The following RASAL3 variants were observed in gnomAD, a reference collection of about 807,000 sequenced individuals.
RASAL3 encodes the protein RAS protein activator like 3, also known as RAS protein activator like-3.
Under a neutral mutation model 105.5 loss-of-function variants are expected in RASAL3, and 74 were observed. The ratio of observed to expected loss-of-function variants is 0.70; its 90% CI spans 0.58 to 0.85. The LOEUF (loss-of-function observed/expected upper bound fraction) is 0.85, where lower values mean the gene tolerates loss of function less well. RASAL3 is among the 40% of genes least tolerant of loss of function. The pLI, the probability that RASAL3 is intolerant of heterozygous loss-of-function variation, is 0.00. For missense variants in RASAL3, 1,352 were observed against 1,392.0 expected, an observed-to-expected ratio of 0.97 and a Z score of 0.46; for synonymous variants, 579 against 591.6, an observed-to-expected ratio of 0.98 and a Z score of 0.31.
In RASAL3 at chr19:15,452,037, A is replaced by T. The variant is rs765433230; in HGVS notation, c.2892+8T>A. 6 of 1,613,958 alleles carry T rather than the reference A, an allele frequency of 3.7e-6. No individual in the cohort carries two copies. Among genetic ancestry groups the T allele is most frequent in the Non-Finnish European group, 4.2e-6 (5 of 1,179,876 alleles). ...AGACCTGCCCCAGGGCTCAGATGGC[A>T]ATCTCACCAGGTTTTTCAGACTGTG... On this transcript the variant is annotated splice_region_variant and intron_variant, in intron 17 of 17. Coordinates refer to ENST00000343625, the MANE Select transcript of RASAL3 (RefSeq NM_022904.3).
At chr19:15,460,957 C>G in intron 5 of RASAL3, 103 bp downstream of exon 5, 1 of 1,066,588 alleles carries the variant, frequency 9.4e-7, no homozygotes, top group South Asian at 1.3e-5. Context: ...CAAAGAGGGT[C>G]AGCAACCTGC....
chr19:15,457,175 C>T lies in RASAL3; in HGVS notation c.1431+117G>A. 1 of 923,536 alleles carries T rather than the reference C, an allele frequency of 1.1e-6. No homozygotes were observed. The highest frequency in any genetic ancestry group is 1.4e-6 in the Non-Finnish European group (1 of 702,910). 57.2% of individuals were successfully genotyped at this position (923,536 alleles called of 1,614,324 possible). ...CACTTGGACCACGCCCCTCACACCC[C>T]TTCAAGGTGTCTCCCCCATTACAGG... is the stretch of plus-strand genomic sequence containing the variant. On this transcript the variant is annotated intron_variant, in intron 9 of 17. Transcript: ENST00000343625. This position sits in a 1 kb window ranked among gnomAD's most constrained non-coding sequence, Gnocchi z 8.6.
In RASAL3 at chr19:15,453,095, G is replaced by A. The variant is rs1399611032; in HGVS notation, c.2670+12C>T. The A allele has an allele frequency of 3.1e-6, 5 of 1,613,050 alleles. No individual in the cohort carries two copies. In the African/African-American group the frequency reaches 5.3e-5, roughly 17 times the overall value. ...TCCCACTCCCCAGGCGCGGACCTGG[G>A]CCTGACCTTACCTTGTTCACAGGTC... On this transcript the variant is annotated intron_variant, in intron 15 of 17. Coordinates refer to ENST00000343625, the MANE Select transcript of RASAL3 (RefSeq NM_022904.3). This position sits in a 1 kb window ranked among gnomAD's most constrained non-coding sequence, Gnocchi z 4.2.
At chr19:15,458,785 A>ACC (rs531818545) in intron 6 of RASAL3, 130 bp from the exon 7 acceptor site, 188 of 1,093,872 alleles carry the variant, frequency 1.7e-4, no homozygotes, top group South Asian at 3.1e-4. Flanking sequence ...TGCCCCCCCC[A>ACC]CCCCCCGCCA....
rs1375949683 is a variant in RASAL3, at chr19:15,464,489, C to T, written c.-20+16G>A. The T allele has an allele frequency of 6.9e-6, 6 of 875,812 alleles. No homozygotes were observed. Among genetic ancestry groups the T allele is most frequent in the Non-Finnish European group, 1.0e-5 (6 of 576,920 alleles). The allele number at this position is 875,812 out of a possible 1,614,324, so 54.3% of individuals were successfully genotyped here. Reference sequence around the variant, plus strand: ...TCCAGGAATCCCCCTGCCCCCACCTCCACTCCCTCCCTTACCTTGGTTTCC... The same window carrying T: ...TCCAGGAATCCCCCTGCCCCCACCTTCACTCCCTCCCTTACCTTGGTTTCC... On this transcript the variant is annotated intron_variant, in intron 1 of 17. Coordinates refer to ENST00000343625, the MANE Select transcript of RASAL3 (RefSeq NM_022904.3).
chr19:15,460,508 T>C (rs1970475031), intron 5 of RASAL3, among the ~76,000 whole-genome samples: 1 of 152,130 alleles, frequency 6.6e-6, no homozygotes, highest in Non-Finnish European at 1.5e-5. Flanking sequence ...GCCTCAAATT[T>C]CTGGGCTCAA....
At chr19:15,458,480 G>C in intron 7 of RASAL3, 49 bp downstream of exon 7, 2 of 1,613,618 alleles carry the variant, frequency 1.2e-6, no homozygotes, top group South Asian at 2.2e-5. Flanking sequence ...GAAGCCAAAG[G>C]GTGGGAGGTG....
At position 15,457,056 on chromosome 19, in the gene RASAL3, C is replaced by A. The variant is rs1243681248; in HGVS notation, c.1431+236G>T. ...CCCCTCACAGCTGACGCTCAGGTCC[C>A]GCCCTTCAAGGTGCCCCGCCCCTTA... On this transcript the variant is annotated intron_variant, in intron 9 of 17. Transcript: ENST00000343625. This position sits in a 1 kb window ranked among gnomAD's most constrained non-coding sequence, Gnocchi z 8.6. Among the ~76,000 whole-genome samples the A allele has an allele frequency of 6.6e-6, 1 of 150,646 alleles. No homozygotes were observed. The highest frequency in any genetic ancestry group is 2.4e-5 in the African/African-American group (1 of 40,916).
In RASAL3 at chr19:15,454,280, G is replaced by A. The variant is rs530548475; in HGVS notation, c.2161-13C>T. The A allele has an allele frequency of 1.3e-6, 2 of 1,564,210 alleles. No homozygotes were observed. Among genetic ancestry groups the A allele is most frequent in the South Asian group, 2.3e-5 (2 of 85,410 alleles). On this transcript the variant is annotated splice_polypyrimidine_tract_variant and intron_variant, in intron 13 of 17. Transcript: ENST00000343625. Reference sequence around the variant, plus strand: ...TGTCTCGGGTTGTCTGGTGAGGCATGCAGGACAGAGACTGAGCAAAGTCTC... The same window carrying A: ...TGTCTCGGGTTGTCTGGTGAGGCATACAGGACAGAGACTGAGCAAAGTCTC...
intron 6 of RASAL3, 92 bp from the exon 7 acceptor site, chr19:15,458,747 A>G: frequency 6.8e-7 from 1 of 1,480,264 alleles, no homozygotes; most frequent in Non-Finnish European, 9.0e-7. Context: ...AAGGACTTCA[A>G]CCCAATTCGG....
Position 15,458,193 on chromosome 19 carries a change from C to A in RASAL3, c.888+135G>T. The A allele has an allele frequency of 5.2e-6, 4 of 771,770 alleles. No individual in the cohort carries two copies. The South Asian group carries it at 6.7e-5, about 13-fold the overall frequency. The allele number at this position is 771,770 out of a possible 1,614,324, so 47.8% of individuals were successfully genotyped here. The stretch of plus-strand genomic sequence containing the variant: ...AATAGATGGAAGGGGAGTCTTGGAG[C>A]CGTTGCAACGATGCAGGCGGGGCAG... On this transcript the variant is annotated intron_variant, in intron 8 of 17. Transcript: ENST00000343625.
chr19:15,452,550 G>A, intron 16 of RASAL3, 108 bp downstream of exon 16: 4 of 1,005,828 alleles, frequency 4.0e-6, no homozygotes, highest in Non-Finnish European at 4.2e-6. Flanking sequence ...GGCCAGGGTG[G>A]GGCTTGGCCG....
At position 15,457,501 on chromosome 19, in the gene RASAL3, C is replaced by A. The variant is rs999556364; in HGVS notation, c.1222G>T (p.Gly408Trp). 2.5e-6 allele frequency: 3 copies of A among 1,183,474 alleles called. No individual in the cohort carries two copies. The highest frequency in any genetic ancestry group is 4.9e-5 in the Admixed American group (1 of 20,228). The allele number at this position is 1,183,474 out of a possible 1,614,324, so 73.3% of individuals were successfully genotyped here. Residue 408 changes from glycine (G) to tryptophan (W), a missense_variant, in exon 9 of 18, where the codon GGG becomes TGG. Physicochemically the swap from Gly to Trp is radical, Grantham distance 184. Coordinates refer to ENST00000343625, the MANE Select transcript of RASAL3 (RefSeq NM_022904.3). The surrounding 1 kb of genome is among the most constrained non-coding windows in gnomAD (Gnocchi z 8.6). ...CGCAGCGCTGCGCCCGCCGGCGCCC[C>A]GAGCAGCGGGAACCAGCGCTCCAGA... ...AGLERWFPLL[G>W]APAGAALRAR...
Position 15,457,635 on chromosome 19 carries a change from G to C in RASAL3, c.1088C>G (p.Ala363Gly). The change falls in exon 9 of 18, where the codon GCA becomes GGA. Residue 363 changes from alanine (A) to glycine (G), a missense_variant. Coordinates refer to ENST00000343625, the MANE Select transcript of RASAL3 (RefSeq NM_022904.3). This position sits in a 1 kb window ranked among gnomAD's most constrained non-coding sequence, Gnocchi z 8.6. The stretch of plus-strand genomic sequence containing the variant: ...GCGCAGCCGCAGCGACAGGCGACGT[G>C]CCGGTGGCAGCGCCTCGAAGTGGAA... ...ERFHFEALPP[A>G]RRLSLRLRGL... is the part of the protein sequence containing the mutation. 1 of 1,411,900 alleles carries C rather than the reference G, an allele frequency of 7.1e-7. No individual in the cohort carries two copies. The highest frequency in any genetic ancestry group is 9.2e-7 in the Non-Finnish European group (1 of 1,082,410). 87.5% of individuals were successfully genotyped at this position (1,411,900 alleles called of 1,614,324 possible). A position where few individuals can be genotyped will look rare whatever the true frequency, so the allele number is the denominator to read the frequency against.
chr19:15,454,052 C>T (rs985228143), intron 14 of RASAL3, 97 bp downstream of exon 14: 7 of 876,734 alleles, frequency 8.0e-6, no homozygotes, highest in African/African-American at 1.7e-5. Context: ...TGGGCTTGAC[C>T]TCTGCTCACA....
chr19:15,452,585 GGGGA>G (rs1970188345), intron 16 of RASAL3, 69 bp downstream of exon 16: 10 of 1,212,144 alleles, frequency 8.2e-6, no homozygotes, highest in African/African-American at 4.9e-5. Context: ...TGGGGGGGGG[GGGGA>G]GGGCCTGGTC....
In RASAL3 at chr19:15,464,086, C is replaced by A. The variant is rs781299406; in HGVS notation, c.273G>T (p.Gly91=). ...SRLRLSKALW[G]RHKNPPPEPD... ...GCTCCGGCGGTGGGTTCTTATGCCT[C>A]CCCCAGAGGGCCTTGGAGAGTCGAA... The change falls in exon 2 of 18, where the codon GGG becomes GGT. Residue 91 remains glycine, a synonymous_variant. Coordinates refer to ENST00000343625, the MANE Select transcript of RASAL3 (RefSeq NM_022904.3). 2 of 1,604,080 alleles carry A rather than the reference C, an allele frequency of 1.2e-6. No homozygotes were observed. The highest frequency in any genetic ancestry group is 1.1e-5 in the South Asian group (1 of 90,474).
Position 15,458,421 on chromosome 19 carries a change from G to A in RASAL3, c.795C>T (p.Thr265=), listed in dbSNP as rs1485852811. 1.2e-6 allele frequency: 2 copies of A among 1,613,834 alleles called. No homozygotes were observed. The highest frequency in any genetic ancestry group is 2.7e-5 in the African/African-American group (2 of 75,062). The change falls in exon 8 of 18, where the codon ACC becomes ACT. Residue 265 remains threonine (T), a synonymous_variant. Coordinates refer to ENST00000343625, the MANE Select transcript of RASAL3 (RefSeq NM_022904.3). ...AGAAGCAGCGGCTTCCACCCGTCCAGGTTACCTGTTGGGATGGAGAATCCA... is the reference window on the plus strand; with the variant it reads ...AGAAGCAGCGGCTTCCACCCGTCCAAGTTACCTGTTGGGATGGAGAATCCA... The part of the protein sequence containing the change: ...LLGEPHCFQV[T]WTGGSRCFSC...
intron 2 of RASAL3, 115 bp downstream of exon 2, chr19:15,463,916 C>T: frequency 1.0e-6 from 1 of 1,004,618 alleles, no homozygotes; most frequent in Non-Finnish European, 1.4e-6. Context: ...TCCTGCTGGG[C>T]TTTTGCACTC....
Sources: allele counts gnomAD v4.1 joint callset (sites outside exome capture counted in the v4.1 genomes callset), GRCh38; gene constraint gnomAD v4.1.1; non-coding constraint Gnocchi (gnomAD v3.1); transcripts MANE v1.5; gene names NCBI Gene and HGNC (gene_info 2026-07-23, HGNC 2026-07-21).